Variants in ATRX observed in about 807,000 individuals in gnomAD.
ATRX encodes ATRX chromatin remodeler, also known as chromatin remodeler ATRX.
In ATRX, 12 loss-of-function variants were observed where a neutral mutation model predicts 172.6. That is an observed-to-expected ratio of 0.07 (90% CI 0.04 to 0.11). The LOEUF (loss-of-function observed/expected upper bound fraction) is 0.11. Among genes scored for constraint, ATRX ranks in the 10% least tolerant of loss-of-function variants. The pLI, the probability that ATRX is intolerant of heterozygous loss-of-function variation, is 1.00. For missense variants in ATRX, 1,368 were observed against 1,767.4 expected (o/e 0.77, Z 4.05); for synonymous variants, 674 against 594.7 (o/e 1.13, Z -1.94).
At chrX:77,513,575 T>G (rs1209600559) in intron 34 of ATRX, among the ~76,000 whole-genome samples, 1 of 110,331 alleles carries the variant, frequency 9.1e-6, no homozygotes, top group Non-Finnish European at 1.9e-5. Flanking sequence ...AATGAGTGAG[T>G]TGAAGTGGCA....
chrX:77,668,306 A>T (rs2070367428), intron 10 of ATRX, among the ~76,000 whole-genome samples: 1 of 111,155 alleles, frequency 9.0e-6, no homozygotes, highest in Non-Finnish European at 1.9e-5. Flanking sequence ...GAACCAGCTG[A>T]GGCTGGCAAA....
intron 10 of ATRX, among the ~76,000 whole-genome samples, chrX:77,667,403 G>A (rs782316992): frequency 2.8e-5 from 3 of 108,338 alleles, no homozygotes; most frequent in East Asian, 5.8e-4. Context: ...TTACTTGCAA[G>A]TACAAGATCT....
At chrX:77,547,705 T>C (rs183146056) in intron 30 of ATRX, among the ~76,000 whole-genome samples, 1 of 111,937 alleles carries the variant, frequency 8.9e-6, no homozygotes, top group African/African-American at 3.2e-5. Flanking sequence ...GCTAACTTTA[T>C]TGAAAGTGAA....
intron 18 of ATRX, 78 bp downstream of exon 18, chrX:77,633,484 AAATT>A: frequency 9.2e-7 from 1 of 1,088,013 alleles, no homozygotes. Context: ...AAAACATTAA[AAATT>A]AAAAAAAATT....
chrX:77,570,311 TG>T (rs1557066713), intron 28 of ATRX, among the ~76,000 whole-genome samples: 1 of 109,120 alleles, frequency 9.2e-6, no homozygotes, highest in African/African-American at 3.3e-5. Context: ...CCAGAGTAGC[TG>T]GGAGTACTGG....
chrX:77,615,266 T>TGAACCAG (rs1335758177), intron 22 of ATRX, among the ~76,000 whole-genome samples: 1 of 111,642 alleles, frequency 9.0e-6, no homozygotes, highest in Non-Finnish European at 1.9e-5. Flanking sequence ...CCCAAAGTGC[T>TGAACCAG]GTGATTACAG....
At chrX:77,534,909 G>A (rs782553500) in intron 30 of ATRX, among the ~76,000 whole-genome samples, 63 of 110,765 alleles carry the variant, frequency 5.7e-4, no homozygotes, top group African/African-American at 2.1e-3. Context: ...GGTAAGGGAG[G>A]GGGTTTGCCA....
At chrX:77,776,240 G>A (rs1383039080) in intron 1 of ATRX, among the ~76,000 whole-genome samples, 2 of 111,722 alleles carry the variant, frequency 1.8e-5, no homozygotes, top group African/African-American at 6.5e-5. Flanking sequence ...CATGGAGACA[G>A]GTCCCTTATC....
intron 10 of ATRX, among the ~76,000 whole-genome samples, chrX:77,665,476 A>AG (rs2070182891): frequency 8.9e-6 from 1 of 111,935 alleles, no homozygotes; most frequent in Non-Finnish European, 1.9e-5. Flanking sequence ...TTTAAAAAAA[A>AG]TAGTGCAGTT....
In ATRX at chrX:77,664,788, A is replaced by G. The variant is rs2070142799; in HGVS notation, c.3810-10T>C. On this transcript the variant is annotated splice_polypyrimidine_tract_variant and intron_variant, in intron 10 of 34. Coordinates refer to ENST00000373344, the MANE Select transcript of ATRX (RefSeq NM_000489.6). ...CATCTTCTTGGCAATTCTTGAGAGT[A>G]AAAAACAATAAAAAAAGAACTATAT... 2.5e-6 allele frequency: 3 copies of G among 1,184,983 alleles called. No homozygotes were observed. Among genetic ancestry groups the G allele is most frequent in the Non-Finnish European group, 3.4e-6 (3 of 877,243 alleles).
chrX:77,586,041 T>A (rs1190090909), intron 27 of ATRX, among the ~76,000 whole-genome samples: 1 of 111,603 alleles, frequency 9.0e-6, no homozygotes, highest in Non-Finnish European at 1.9e-5. Context: ...CAGGTACAAA[T>A]ATATAGTTGG....
chrX:77,710,921 GTA>G (rs1308544350), intron 2 of ATRX, among the ~76,000 whole-genome samples: 1 of 91,422 alleles, frequency 1.1e-5, no homozygotes, highest in Non-Finnish European at 2.3e-5. Flanking sequence ...AAAAAAAAAT[GTA>G]TAGAACTTTA....
At chrX:77,750,057 T>A (rs1250417664) in intron 1 of ATRX, among the ~76,000 whole-genome samples, 1 of 111,836 alleles carries the variant, frequency 8.9e-6, no homozygotes, top group Non-Finnish European at 1.9e-5. Flanking sequence ...TTTTATCATC[T>A]AACATCATCA....
intron 1 of ATRX, among the ~76,000 whole-genome samples, chrX:77,724,105 C>A (rs1418688787): frequency 1.8e-5 from 2 of 110,284 alleles, no homozygotes; most frequent in South Asian, 7.8e-4. Flanking sequence ...ATGGTGAAAC[C>A]CCGTCTCCCC....
At chrX:77,773,503 CA>C (rs1387215598) in intron 1 of ATRX, among the ~76,000 whole-genome samples, 2 of 111,689 alleles carry the variant, frequency 1.8e-5, no homozygotes, top group African/African-American at 6.5e-5. Flanking sequence ...CCTGTAATCC[CA>C]GCACTTTGAA....
chrX:77,766,293 G>A (rs1416993331), intron 1 of ATRX, among the ~76,000 whole-genome samples: 40 of 110,520 alleles, frequency 3.6e-4, no homozygotes, highest in African/African-American at 1.0e-3. Context: ...TCACCTCCCC[G>A]ACGGGGCGGC....
intron 30 of ATRX, among the ~76,000 whole-genome samples, chrX:77,528,503 C>T (rs935272984): frequency 2.7e-5 from 3 of 110,585 alleles, no homozygotes; most frequent in East Asian, 5.7e-4. Context: ...CTGGAGAAGC[C>T]GAGGAAACTA....
At chrX:77,639,491 C>T (rs782018309) in intron 15 of ATRX, among the ~76,000 whole-genome samples, 14 of 111,773 alleles carry the variant, frequency 1.3e-4, no homozygotes, top group Non-Finnish European at 2.4e-4. Flanking sequence ...AAGCAGAAAA[C>T]CCAGTAGAGC....
intron 30 of ATRX, among the ~76,000 whole-genome samples, chrX:77,537,613 T>C (rs1014409698): frequency 2.0e-4 from 22 of 110,772 alleles, no homozygotes; most frequent in Non-Finnish European, 2.3e-4. Flanking sequence ...AGCGGGAGGA[T>C]TGCTTGGGCT....
Sources: gnomAD v4.1 joint callset for allele counts (sites outside exome capture counted in the v4.1 genomes callset) on GRCh38, gnomAD v4.1.1 for gene constraint, MANE v1.5 for transcripts, NCBI Gene and HGNC (gene_info 2026-07-23, HGNC 2026-07-21) for gene names.